Variants in DPYD observed in about 807,000 individuals in gnomAD.
DPYD encodes dihydropyrimidine dehydrogenase [NADP(+)].
In DPYD, 109 loss-of-function variants were observed where a neutral mutation model predicts 116.2. That is an observed-to-expected ratio of 0.94 (90% CI 0.80 to 1.10). DPYD has a LOEUF of 1.10. Among genes scored for constraint, DPYD ranks in the 50% least tolerant of loss-of-function variants. The pLI, the probability that DPYD is intolerant of heterozygous loss-of-function variation, is 0.00. For missense variants in DPYD, 1,302 were observed against 1,254.5 expected, an observed-to-expected ratio of 1.04 and a Z score of -0.57; for synonymous variants, 440 against 432.0, an observed-to-expected ratio of 1.02 and a Z score of -0.23.
intron 14 of DPYD, among the ~76,000 whole-genome samples, chr1:97,408,622 T>C (rs937756763): frequency 6.6e-5 from 10 of 152,136 alleles, no homozygotes; most frequent in African/African-American, 2.2e-4. Context: ...ATAGTTAAAA[T>C]TGAGTGTCAA....
chr1:97,152,275 C>T (rs1514497), intron 20 of DPYD, among the ~76,000 whole-genome samples: 47,713 of 151,966 alleles, frequency 0.31, 8,470 homozygotes, highest in East Asian at 0.65. Context: ...CATATCTAAA[C>T]GAGATTTAAG....
intron 16 of DPYD, among the ~76,000 whole-genome samples, chr1:97,324,099 G>C (rs1018044654): frequency 1.7e-4 from 26 of 151,922 alleles, no homozygotes; most frequent in Non-Finnish European, 3.2e-4. Flanking sequence ...ATCAACCCTG[G>C]TAGAGGCTGT....
At chr1:97,739,199 T>C (rs1367994625) in intron 4 of DPYD, among the ~76,000 whole-genome samples, 8 of 152,136 alleles carry the variant, frequency 5.3e-5, no homozygotes, top group Admixed American at 5.2e-4. Context: ...CAATCACTTC[T>C]ATAGTATTTA....
intron 4 of DPYD, among the ~76,000 whole-genome samples, chr1:97,734,192 A>G (rs942063734): frequency 6.6e-6 from 1 of 151,916 alleles, no homozygotes; most frequent in Admixed American, 6.6e-5. Flanking sequence ...TGTACTTTTA[A>G]TATCTAGGTT....
chr1:97,280,148 T>A (rs1420451275), intron 18 of DPYD: 1 of 152,164 alleles, frequency 6.6e-6, no homozygotes, highest in Non-Finnish European at 1.5e-5. Context: ...ATCAACTTTT[T>A]AATATCTCAC....
chr1:97,617,936 T>G (rs1175795274), intron 8 of DPYD, among the ~76,000 whole-genome samples: 1 of 152,170 alleles, frequency 6.6e-6, no homozygotes, highest in African/African-American at 2.4e-5. Flanking sequence ...TGCCTTCTCT[T>G]TTAAAACTCT....
intron 21 of DPYD, among the ~76,000 whole-genome samples, chr1:97,095,149 A>G (rs375380671): frequency 1.3e-5 from 2 of 152,170 alleles, no homozygotes; most frequent in East Asian, 1.9e-4. Context: ...AGATTTAAAA[A>G]TTGTTTATTA....
At chr1:97,158,266 A>G (rs774681064) in intron 20 of DPYD, among the ~76,000 whole-genome samples, 2 of 152,072 alleles carry the variant, frequency 1.3e-5, no homozygotes, top group Non-Finnish European at 2.9e-5. Context: ...GGCAGTACAC[A>G]GGATGGGAAT....
At chr1:97,753,359 T>C (rs1363816484) in intron 3 of DPYD, among the ~76,000 whole-genome samples, 1 of 152,218 alleles carries the variant, frequency 6.6e-6, no homozygotes, top group Non-Finnish European at 1.5e-5. Context: ...TGGTTATCTC[T>C]GCCATTTCCT....
At chr1:97,154,740 C>T (rs1437344613) in intron 20 of DPYD, among the ~76,000 whole-genome samples, 1 of 149,966 alleles carries the variant, frequency 6.7e-6, no homozygotes, top group Non-Finnish European at 1.5e-5. Context: ...ATAATGTGGG[C>T]TTAGGGGAAG....
At chr1:97,478,754 T>C (rs1006576483) in intron 13 of DPYD, among the ~76,000 whole-genome samples, 15 of 152,236 alleles carry the variant, frequency 9.9e-5, no homozygotes, top group Admixed American at 7.2e-4. Context: ...GATGGCATCT[T>C]CTTCCAATAT....
intron 8 of DPYD, among the ~76,000 whole-genome samples, chr1:97,671,742 T>C (rs1571164556): frequency 3.3e-5 from 5 of 152,088 alleles, no homozygotes; most frequent in Admixed American, 3.3e-4. Context: ...ACACCAACTC[T>C]CATAAATGTT....
intron 1 of DPYD, among the ~76,000 whole-genome samples, chr1:97,906,368 G>C (rs952194387): frequency 6.6e-6 from 1 of 151,944 alleles, no homozygotes; most frequent in Non-Finnish European, 1.5e-5. Flanking sequence ...TCATCCCCAA[G>C]TACTTATGAC....
intron 6 of DPYD, among the ~76,000 whole-genome samples, chr1:97,693,281 A>T (rs1466404003): frequency 8.0e-6 from 1 of 124,714 alleles, no homozygotes; most frequent in African/African-American, 3.3e-5. Context: ...ACAGAGCCAG[A>T]CTCCGTCTCA....
chr1:97,121,817 T>G (rs1039362945), intron 20 of DPYD, among the ~76,000 whole-genome samples: 1 of 152,276 alleles, frequency 6.6e-6, no homozygotes, highest in Admixed American at 6.5e-5. Context: ...GAAAAAAGGC[T>G]TCAGCTATTA....
At chr1:97,373,738 G>T in intron 15 of DPYD, 94 bp from the exon 16 acceptor site, 1 of 1,095,460 alleles carries the variant, frequency 9.1e-7, no homozygotes, top group Non-Finnish European at 1.4e-6. Flanking sequence ...CATTTGTCAA[G>T]TGTTAACTAT....
chr1:97,271,182 C>G (rs372853840), intron 18 of DPYD, among the ~76,000 whole-genome samples: 2 of 152,128 alleles, frequency 1.3e-5, no homozygotes, highest in East Asian at 1.9e-4. Flanking sequence ...TAGAACAGTT[C>G]CCTCTGACTG....
chr1:97,681,429 T>C (rs1660422472), intron 7 of DPYD, among the ~76,000 whole-genome samples: 1 of 152,152 alleles, frequency 6.6e-6, no homozygotes, highest in Non-Finnish European at 1.5e-5. Context: ...CAATGTTTTG[T>C]CTTCCTAAAA....
chr1:97,249,131 A>G (rs1415044595), intron 18 of DPYD, among the ~76,000 whole-genome samples: 1 of 152,222 alleles, frequency 6.6e-6, no homozygotes, highest in African/African-American at 2.4e-5. Flanking sequence ...CAAAGGATGT[A>G]GATTAGCAAA....
Sources: gnomAD v4.1 joint callset for allele counts (sites outside exome capture counted in the v4.1 genomes callset) on GRCh38, gnomAD v4.1.1 for gene constraint, MANE v1.5 for transcripts, NCBI Gene and HGNC (gene_info 2026-07-23, HGNC 2026-07-21) for gene names.